The following SSC5D variants were observed in gnomAD, a reference collection of about 807,000 sequenced individuals.
SSC5D encodes the protein soluble scavenger receptor cysteine-rich domain-containing protein SSC5D.
SSC5D carries 106 observed loss-of-function variants against 104.6 expected under a neutral mutation model. The ratio of observed to expected loss-of-function variants is 1.01; its 90% CI spans 0.87 to 1.19. The LOEUF (loss-of-function observed/expected upper bound fraction) is 1.19. Ranked by LOEUF, SSC5D falls within the 50% of genes most tolerant of loss-of-function variation. The probability of loss-of-function intolerance (pLI) is 0.00; values close to 1 mark genes in which losing one functional copy is unlikely to be tolerated. For synonymous variants in SSC5D, 860 were observed against 883.5 expected (o/e 0.97, Z 0.47); for missense variants, 1,993 against 2,153.8 (o/e 0.93, Z 1.48).
chr19:55,500,189 C>G lies in SSC5D; in HGVS notation c.2079C>G (p.Thr693=), dbSNP rs991596282. Residue 693 remains threonine, a synonymous_variant, in exon 10 of 14, where the codon ACC becomes ACG. Coordinates refer to ENST00000389623, the MANE Select transcript of SSC5D (RefSeq NM_001144950.2). The surrounding 1 kb of genome is among the most constrained non-coding windows in gnomAD (Gnocchi z 4.6). ...RPTTEAPQRW[T]SHTTATLTPQ... ...CCACGGAGGCCCCCCAGAGATGGAC[C>G]TCTCACACCACTGCCACGCTGACCC... 2 of 1,551,376 alleles carry G rather than the reference C, an allele frequency of 1.3e-6. No individual in the cohort carries two copies. The highest frequency in any genetic ancestry group is 1.4e-5 in the African/African-American group (1 of 73,038).
rs544513386 is a variant in SSC5D, at chr19:55,501,193, C to T, written c.2777C>T (p.Pro926Leu). 88 of 1,530,034 alleles carry T rather than the reference C, an allele frequency of 5.8e-5. No individual in the cohort carries two copies. The African/African-American group carries it at 8.6e-4, about 15-fold the overall frequency. The allele number at this position is 1,530,034 out of a possible 1,614,324, so 94.8% of individuals were successfully genotyped here. Reference sequence around the variant, plus strand: ...TCCTCCCCAGCAATAAGGCGCCTGCCGGACACAGGTGAGAGGCCTGATTGG... The same window carrying T: ...TCCTCCCCAGCAATAAGGCGCCTGCTGGACACAGGTGAGAGGCCTGATTGG... ...GSSSPAIRRL[P>L]DTGSKDGYKL... Residue 926 changes from proline to leucine, a missense_variant, in exon 12 of 14, where the codon CCG becomes CTG. By Grantham distance (98) the Pro-to-Leu change is moderately conservative (BLOSUM62 -3). Around this residue, in one of 6 missense-constraint regions of SSC5D, gnomAD observed 423 missense variants for 409.2 expected, o/e 1.03. Coordinates refer to ENST00000389623, the MANE Select transcript of SSC5D (RefSeq NM_001144950.2).
intron 12 of SSC5D, chr19:55,504,177 G>T: frequency 1.3e-6 from 2 of 1,535,418 alleles, no homozygotes; most frequent in East Asian, 2.4e-5. Context: ...GGGTTGCAGC[G>T]CCTCCCTAGC....
rs1214819683 is a variant in SSC5D at position 55,500,891 on chromosome 19, C to T, written c.2617+87C>T. Reference sequence around the variant, plus strand: ...TGGGGCCAGGTGACGGCACCATGGTCGACTCTAAAGAACTGGGTATGAGGG... The same window carrying T: ...TGGGGCCAGGTGACGGCACCATGGTTGACTCTAAAGAACTGGGTATGAGGG... On this transcript the variant is annotated intron_variant, in intron 11 of 13. Transcript: ENST00000389623. This position sits in a 1 kb window ranked among gnomAD's most constrained non-coding sequence, Gnocchi z 4.6. 9 of 1,496,940 alleles carry T rather than the reference C, an allele frequency of 6.0e-6. No homozygotes were observed. The highest frequency in any genetic ancestry group is 2.6e-5 in the South Asian group (2 of 76,464). The allele number at this position is 1,496,940 out of a possible 1,614,324, so 92.7% of individuals were successfully genotyped here. A position where few individuals can be genotyped will look rare whatever the true frequency, so the allele number is the denominator to read the frequency against.
chr19:55,500,871 C>T lies in SSC5D; in HGVS notation c.2617+67C>T. 2 of 1,510,216 alleles carry T rather than the reference C, an allele frequency of 1.3e-6. No individual in the cohort carries two copies. The highest frequency in any genetic ancestry group is 1.8e-6 in the Non-Finnish European group (2 of 1,122,746). 93.6% of individuals were successfully genotyped at this position (1,510,216 alleles called of 1,614,324 possible). On this transcript the variant is annotated intron_variant, in intron 11 of 13. Coordinates refer to ENST00000389623, the MANE Select transcript of SSC5D (RefSeq NM_001144950.2). The surrounding 1 kb of genome is among the most constrained non-coding windows in gnomAD (Gnocchi z 4.6). ...CCAGGAGAATGGAGTCAGGGTGGGG[C>T]CAGGTGACGGCACCATGGTCGACTC...
chr19:55,491,086 T>A lies in SSC5D; in HGVS notation c.895+6T>A. The A allele has an allele frequency of 2.6e-6, 4 of 1,546,644 alleles. No homozygotes were observed. Among genetic ancestry groups the A allele is most frequent in the Non-Finnish European group, 3.5e-6 (4 of 1,145,124 alleles). On this transcript the variant is annotated splice_donor_region_variant and intron_variant, in intron 6 of 13. Coordinates refer to ENST00000389623, the MANE Select transcript of SSC5D (RefSeq NM_001144950.2). ...TGCGGGGCTGGTCTGCACCGGTACG[T>A]CGGGCTGGGGCCTGGCCCCCTCCTG...
Position 55,514,144 on chromosome 19 carries a change from G to A in SSC5D, c.2947+972G>A, listed in dbSNP as rs1256495584. 2.0e-4 allele frequency among the ~76,000 whole-genome samples: 31 copies of A among 152,202 alleles called. No individual in the cohort carries two copies. The East Asian group carries it at 4.3e-3, about 21-fold the overall frequency. ...GATTAGGCTGGCTGCAATGGCTGAC[G>A]CCTGTAATCCCAGCACTTTGGGAGG... On this transcript the variant is annotated intron_variant, in intron 13 of 13. Coordinates refer to ENST00000389623, the MANE Select transcript of SSC5D (RefSeq NM_001144950.2).
At chr19:55,508,276 G>A (rs781677695) in intron 12 of SSC5D, among the ~76,000 whole-genome samples, 2 of 152,148 alleles carry the variant, frequency 1.3e-5, no homozygotes, top group Non-Finnish European at 2.9e-5. Context: ...TTGGGGTATC[G>A]CCGGAGGTTT....
chr19:55,495,484 C>T (rs1310195743), intron 8 of SSC5D, among the ~76,000 whole-genome samples: 2 of 150,886 alleles, frequency 1.3e-5, no homozygotes, highest in African/African-American at 4.9e-5. Flanking sequence ...CTGCCTGCCT[C>T]GGCCTCCCAA....
At position 55,488,538 on chromosome 19, in the gene SSC5D, C is replaced by T; in HGVS notation, c.-52C>T. Reference sequence around the variant, plus strand: ...CTCTCCCCAGCTGCCTCCTCCTCTTCTCTCCCCGCTCTCCTTCCCCTTTCA... The same window carrying T: ...CTCTCCCCAGCTGCCTCCTCCTCTTTTCTCCCCGCTCTCCTTCCCCTTTCA... On this transcript the variant is annotated 5_prime_UTR_variant, in exon 1 of 14. Transcript: ENST00000389623. 6.6e-7 allele frequency: 1 copy of T among 1,525,548 alleles called. No individual in the cohort carries two copies. Among genetic ancestry groups the T allele is most frequent in the Admixed American group, 2.0e-5 (1 of 50,816 alleles). 94.5% of individuals were successfully genotyped at this position (1,525,548 alleles called of 1,614,324 possible). A position where few individuals can be genotyped will look rare whatever the true frequency, so the allele number is the denominator to read the frequency against.
At position 55,518,602 on chromosome 19, in the gene SSC5D, T is replaced by A; in HGVS notation, c.4326T>A (p.Leu1442=). The part of the protein sequence containing the change: ...SDLTVSPDPL[L]SPTAHPLDHP... ...TTACTGTGTCCCCTGACCCCCTCCT[T>A]TCCCCCACAGCCCACCCCTTGGATC... is the stretch of plus-strand genomic sequence containing the variant. The change falls in exon 14 of 14, where the codon CTT becomes CTA. Residue 1442 remains leucine, a synonymous_variant. Transcript: ENST00000389623. The A allele has an allele frequency of 2.6e-6, 4 of 1,531,012 alleles. No individual in the cohort carries two copies. The highest frequency in any genetic ancestry group is 3.5e-6 in the Non-Finnish European group (4 of 1,136,396). The allele number at this position is 1,531,012 out of a possible 1,614,324, so 94.8% of individuals were successfully genotyped here. A position where few individuals can be genotyped will look rare whatever the true frequency, so the allele number is the denominator to read the frequency against.
At chr19:55,495,901 A>ATTTT (rs36109915) in intron 8 of SSC5D, among the ~76,000 whole-genome samples, 165 of 98,670 alleles carry the variant, frequency 1.7e-3, no homozygotes, top group Middle Eastern at 5.5e-3. Context: ...GAGCCTGGCT[A>ATTTT]TTTTTTTTTT....
In SSC5D at chr19:55,493,744, G is replaced by A; in HGVS notation, c.1045G>A (p.Gly349Arg). The change falls in exon 7 of 14, where the codon GGG (glycine) becomes AGG (arginine). Residue 349 changes from glycine to arginine, a missense_variant. By Grantham distance (125) the Gly-to-Arg change is moderately radical. Around this residue, in one of 6 missense-constraint regions of SSC5D, gnomAD observed 1,101 missense variants for 1,085.0 expected, o/e 1.01. Coordinates refer to ENST00000389623, the MANE Select transcript of SSC5D (RefSeq NM_001144950.2). ...AVACRELGCG[G>R]ALAAPGGAFF... ...GGCCTGCCGAGAGCTGGGCTGCGGA[G>A]GGGCGCTGGCCGCCCCCGGGGGCGC... 1.3e-6 allele frequency: 2 copies of A among 1,525,816 alleles called. No homozygotes were observed. Among genetic ancestry groups the A allele is most frequent in the Non-Finnish European group, 1.8e-6 (2 of 1,138,080 alleles). The allele number at this position is 1,525,816 out of a possible 1,614,324, so 94.5% of individuals were successfully genotyped here.
In SSC5D at chr19:55,518,241, C is replaced by G. The variant is rs928065011; in HGVS notation, c.3965C>G (p.Thr1322Ser). Residue 1322 changes from threonine to serine, a missense_variant, in exon 14 of 14, where the codon ACC (threonine) becomes AGC (serine). Transcript: ENST00000389623. ...YPTTTPDPTT[T>S]PHPTTPDPSS... ...ACCACTACTCCTGATCCCACCACGA[C>G]CCCTCACCCCACAACTCCTGACCCT... 69 of 1,474,662 alleles carry G rather than the reference C, an allele frequency of 4.7e-5. No homozygotes were observed. The highest frequency in any genetic ancestry group is 5.8e-5 in the Non-Finnish European group (64 of 1,110,946). The allele number at this position is 1,474,662 out of a possible 1,614,324, so 91.3% of individuals were successfully genotyped here.
In SSC5D at chr19:55,489,471, C is replaced by T. The variant is rs778135091; in HGVS notation, c.170C>T (p.Ala57Val). The change falls in exon 3 of 14, where the codon GCC becomes GTC. Residue 57 changes from alanine (A) to valine (V), a missense_variant. Physicochemically the swap from Ala to Val is moderately conservative, Grantham distance 64 (BLOSUM62 0). Transcript: ENST00000389623. ...DGWDLRDAAV[A>V]CRQLGCGGAL... ...TGGGACCTGCGCGATGCCGCCGTGG[C>T]CTGCCGGCAGCTGGGCTGCGGAGGG... 3.4e-6 allele frequency: 5 copies of T among 1,474,530 alleles called. No individual in the cohort carries two copies. Among genetic ancestry groups the T allele is most frequent in the Non-Finnish European group, 4.5e-6 (5 of 1,120,550 alleles). The allele number at this position is 1,474,530 out of a possible 1,614,324, so 91.3% of individuals were successfully genotyped here. A position where few individuals can be genotyped will look rare whatever the true frequency, so the allele number is the denominator to read the frequency against.
chr19:55,499,892 C>G lies in SSC5D; in HGVS notation c.1782C>G (p.Ala594=). The G allele has an allele frequency of 6.4e-7, 1 of 1,551,746 alleles. No individual in the cohort carries two copies. ...WIPGLGRDRD[A]WLPGELATKP... ...CTGGACTGGGGAGAGATCGGGATGC[C>G]TGGCTCCCGGGAGAGCTGGCCACCA... The change falls in exon 10 of 14, where the codon GCC becomes GCG. Residue 594 remains alanine (A), a synonymous_variant. Coordinates refer to ENST00000389623, the MANE Select transcript of SSC5D (RefSeq NM_001144950.2).
In SSC5D at chr19:55,511,899, A is replaced by G. The variant is rs532534251; in HGVS notation, c.2786-1112A>G. ...GTTGGTTTGATGATTCGGATAGGCA[A>G]TGAGTATGGAGTGTTTTGTTCGGGT... On this transcript the variant is annotated intron_variant, in intron 12 of 13. Coordinates refer to ENST00000389623, the MANE Select transcript of SSC5D (RefSeq NM_001144950.2). 2.1e-3 allele frequency among the ~76,000 whole-genome samples: 325 copies of G among 152,304 alleles called. 1 individual carries two copies. The highest frequency in any genetic ancestry group is 7.6e-3 in the African/African-American group (314 of 41,566).
chr19:55,509,865 A>AG (rs1987717193), intron 12 of SSC5D, among the ~76,000 whole-genome samples: 1 of 75,606 alleles, frequency 1.3e-5, no homozygotes, highest in African/African-American at 5.8e-5. Flanking sequence ...AAAAAAAAAA[A>AG]AAAAAAAGAG....
In SSC5D at chr19:55,517,503, C is replaced by T. The variant is rs1383989108; in HGVS notation, c.3227C>T (p.Ser1076Phe). ...GACTTTGCTTTGTCCACCCCTGACT[C>T]CAGTGTGGTTCCCGCGTTGACCCCG... ...SPDFALSTPDSSVVPALTPEP... is the reference protein window; with the variant it reads ...SPDFALSTPDFSVVPALTPEP... The change falls in exon 14 of 14, where the codon TCC (serine) becomes TTC (phenylalanine). Residue 1076 changes from serine to phenylalanine, a missense_variant. By Grantham distance (155) the Ser-to-Phe change is radical (BLOSUM62 -2). Around this residue, in one of 6 missense-constraint regions of SSC5D, gnomAD observed 423 missense variants for 409.2 expected, o/e 1.03. Transcript: ENST00000389623. The T allele has an allele frequency of 6.4e-7, 1 of 1,551,424 alleles. No individual in the cohort carries two copies. The highest frequency in any genetic ancestry group is 8.7e-7 in the Non-Finnish European group (1 of 1,147,014).
intron 13 of SSC5D, among the ~76,000 whole-genome samples, chr19:55,516,467 A>C (rs1370087351): frequency 6.6e-6 from 1 of 151,814 alleles, no homozygotes; most frequent in Non-Finnish European, 1.5e-5. Flanking sequence ...ACTGCACTCC[A>C]GCCTGGGCGA....
Sources: allele counts gnomAD v4.1 joint callset (sites outside exome capture counted in the v4.1 genomes callset), GRCh38; gene constraint gnomAD v4.1.1; regional missense constraint gnomAD v4.1.1; non-coding constraint Gnocchi (gnomAD v3.1); transcripts MANE v1.5; gene names NCBI Gene and HGNC (gene_info 2026-07-23, HGNC 2026-07-21).